The following FUT9 variants were observed in gnomAD, a reference collection of about 807,000 sequenced individuals.
FUT9 encodes fucosyltransferase 9.
In FUT9, 15 loss-of-function variants were observed where a neutral mutation model predicts 29.7. The ratio of observed to expected loss-of-function variants is 0.51; its 90% CI spans 0.34 to 0.78. The LOEUF is 0.78. Ranked by LOEUF, FUT9 falls within the 30% of genes least tolerant of loss-of-function variation. The pLI is 0.01. For missense variants in FUT9, 319 were observed against 425.4 expected, an observed-to-expected ratio of 0.75 and a Z score of 2.20; for synonymous variants, 169 against 153.7, an observed-to-expected ratio of 1.10 and a Z score of -0.74.
At chr6:96,054,946 C>G (rs989837057) in intron 1 of FUT9, among the ~76,000 whole-genome samples, 3 of 152,036 alleles carry the variant, frequency 2.0e-5, no homozygotes, top group Non-Finnish European at 2.9e-5. Context: ...TTTGTGATTT[C>G]CTTTTCTTCA....
At chr6:96,130,402 C>T (rs1271284632) in intron 2 of FUT9, among the ~76,000 whole-genome samples, 3 of 152,170 alleles carry the variant, frequency 2.0e-5, no homozygotes, top group African/African-American at 4.8e-5. Context: ...GTTATATTCT[C>T]TCCCCACCAT....
At chr6:96,190,766 T>C (rs148250613) in intron 2 of FUT9, among the ~76,000 whole-genome samples, 1 of 152,298 alleles carries the variant, frequency 6.6e-6, no homozygotes, top group Non-Finnish European at 1.5e-5. Context: ...ATCAGGTCCT[T>C]TAAGGACTTC....
At chr6:96,052,233 A>G (rs1366600589) in intron 1 of FUT9, among the ~76,000 whole-genome samples, 2 of 152,168 alleles carry the variant, frequency 1.3e-5, no homozygotes. Flanking sequence ...AACTGCCCCC[A>G]AGACTCAATT....
intron 1 of FUT9, among the ~76,000 whole-genome samples, chr6:96,096,339 T>C (rs1771495362): frequency 1.3e-5 from 2 of 152,018 alleles, no homozygotes; most frequent in East Asian, 1.9e-4. Context: ...GGATCCCTCA[T>C]CTCAATAATT....
At chr6:96,024,682 T>C (rs1383074570) in intron 1 of FUT9, among the ~76,000 whole-genome samples, 1 of 151,764 alleles carries the variant, frequency 6.6e-6, no homozygotes, top group Admixed American at 6.6e-5. Flanking sequence ...TCTCTTAAGT[T>C]CTCCCAGTTT....
At chr6:96,134,944 G>A (rs1207501461) in intron 2 of FUT9, among the ~76,000 whole-genome samples, 7 of 151,666 alleles carry the variant, frequency 4.6e-5, no homozygotes, top group African/African-American at 1.7e-4. Flanking sequence ...ATTTGTCCTC[G>A]GTCCCCCATG....
At chr6:96,193,197 A>T (rs2127989191) in intron 2 of FUT9, among the ~76,000 whole-genome samples, 1 of 139,254 alleles carries the variant, frequency 7.2e-6, no homozygotes, top group Non-Finnish European at 1.6e-5. Flanking sequence ...GCCAAAATAG[A>T]CAAATGGGAT....
intron 2 of FUT9, among the ~76,000 whole-genome samples, chr6:96,151,114 G>GA (rs749245492): frequency 3.0e-4 from 45 of 152,200 alleles, no homozygotes; most frequent in Non-Finnish European, 5.4e-4. Flanking sequence ...GTAACACCAA[G>GA]AAAAATGTTT....
At chr6:96,027,512 C>T (rs1394827804) in intron 1 of FUT9, among the ~76,000 whole-genome samples, 1 of 151,562 alleles carries the variant, frequency 6.6e-6, no homozygotes, top group African/African-American at 2.4e-5. Flanking sequence ...GTCACCACCC[C>T]ACCTAATCAT....
intron 2 of FUT9, among the ~76,000 whole-genome samples, chr6:96,130,498 A>C (rs988435627): frequency 6.6e-6 from 1 of 152,086 alleles, no homozygotes; most frequent in African/African-American, 2.4e-5. Flanking sequence ...TTTTGAAAAT[A>C]TCTCTCTAAA....
chr6:96,105,010 G>A (rs370721616), intron 1 of FUT9, among the ~76,000 whole-genome samples: 6 of 152,262 alleles, frequency 3.9e-5, no homozygotes, highest in African/African-American at 1.2e-4. Flanking sequence ...GGGTTCTTCC[G>A]TGCTTACTTA....
chr6:96,191,028 C>T (rs978447255), intron 2 of FUT9, among the ~76,000 whole-genome samples: 15 of 152,096 alleles, frequency 9.9e-5, no homozygotes, highest in Non-Finnish European at 1.8e-4. Context: ...TTTTCCCCAT[C>T]TTTGTGGTTT....
rs11347804 is a variant in FUT9 at position 96,120,269 on chromosome 6, C to CTTTTTTT, written c.-9+6155_-9+6161dup. On this transcript the variant is annotated intron_variant, in intron 2 of 2. Transcript: ENST00000302103. ...AAGACCCACTTTTTCTTTTTTCTTT[C>CTTTTTTT]TTTTTTTTTTTTTTTTTTTGAGATG... 1.1e-3 allele frequency among the ~76,000 whole-genome samples: 100 copies of CTTTTTTT among 91,466 alleles called. 1 individual carries two copies. Among genetic ancestry groups the CTTTTTTT allele is most frequent in the Non-Finnish European group, 1.6e-3 (77 of 46,946 alleles). 60.0% of individuals were successfully genotyped at this position (91,466 alleles called of 152,430 possible).
chr6:96,103,264 A>G (rs1771619144), intron 1 of FUT9, among the ~76,000 whole-genome samples: 1 of 152,182 alleles, frequency 6.6e-6, no homozygotes, highest in Admixed American at 6.6e-5. Flanking sequence ...TTTTCTAGAC[A>G]CTTTCCTTCT....
In FUT9 at chr6:96,203,077, T is replaced by A. The variant is rs1187520521; in HGVS notation, c.-8-71T>A. ...TCTCATATTTATGATTTTAAATATATCTCCAATATATTTATGATTTTCTCT... is the reference window on the plus strand; with the variant it reads ...TCTCATATTTATGATTTTAAATATAACTCCAATATATTTATGATTTTCTCT... On this transcript the variant is annotated intron_variant, in intron 2 of 2. Coordinates refer to ENST00000302103, the MANE Select transcript of FUT9 (RefSeq NM_006581.4). The A allele has an allele frequency of 8.1e-6, 9 of 1,104,728 alleles. 1 individual carries two copies. Among genetic ancestry groups the A allele is most frequent in the Non-Finnish European group, 7.7e-6 (6 of 780,274 alleles). 68.4% of individuals were successfully genotyped at this position (1,104,728 alleles called of 1,614,324 possible).
chr6:96,091,667 T>G (rs1342825512), intron 1 of FUT9, among the ~76,000 whole-genome samples: 3 of 152,064 alleles, frequency 2.0e-5, no homozygotes, highest in African/African-American at 4.8e-5. Context: ...AGAAACGGAC[T>G]GAGTGAGAAA....
chr6:96,025,377 G>A (rs1188326002), intron 1 of FUT9, among the ~76,000 whole-genome samples: 4 of 151,782 alleles, frequency 2.6e-5, no homozygotes, highest in African/African-American at 9.6e-5. Flanking sequence ...CTCATTAAAA[G>A]GCAAAGAAGT....
chr6:96,128,599 GT>G (rs1364296581), intron 2 of FUT9, among the ~76,000 whole-genome samples: 1 of 152,000 alleles, frequency 6.6e-6, no homozygotes, highest in Admixed American at 6.6e-5. Flanking sequence ...AACATATATT[GT>G]TTGACCCAGT....
At chr6:96,061,307 G>T (rs1281834438) in intron 1 of FUT9, among the ~76,000 whole-genome samples, 1 of 43,234 alleles carries the variant, frequency 2.3e-5, no homozygotes, top group Non-Finnish European at 5.6e-5. Flanking sequence ...TACTTCTTAG[G>T]CTCTGTTCTC....
Sources: allele counts gnomAD v4.1 joint callset (sites outside exome capture counted in the v4.1 genomes callset), GRCh38; gene constraint gnomAD v4.1.1; transcripts MANE v1.5; gene names NCBI Gene and HGNC (gene_info 2026-07-23, HGNC 2026-07-21).